The following GLRA2 variants were observed in gnomAD, a reference collection of about 807,000 sequenced individuals.
GLRA2 encodes glycine receptor subunit alpha-2.
GLRA2 carries 11 observed loss-of-function variants against 31.6 expected under a neutral mutation model. The observed-to-expected ratio is 0.35, with a 90% CI of 0.22 to 0.58. The LOEUF (loss-of-function observed/expected upper bound fraction) is 0.58. GLRA2 is among the 20% of genes least tolerant of loss of function. The pLI is 0.84. For synonymous variants in GLRA2, 132 were observed against 134.0 expected (o/e 0.99, Z 0.10); for missense variants, 212 against 351.8 (o/e 0.60, Z 3.18).
At chrX:14,465,907 A>G in the GLRA2 span, among the ~76,000 whole-genome samples, 2 of 112,130 alleles carry the variant, frequency 1.8e-5, no homozygotes, top group African/African-American at 6.5e-5. Flanking sequence ...TTAACTTATT[A>G]TAATTGTGTT....
intron 2 of GLRA2, among the ~76,000 whole-genome samples, chrX:14,536,992 C>T (rs755788899): frequency 9.0e-6 from 1 of 110,908 alleles, no homozygotes; most frequent in South Asian, 3.8e-4. Context: ...AGCCCAATTC[C>T]AAGACAGTTG....
intron 7 of GLRA2, among the ~76,000 whole-genome samples, chrX:14,678,500 G>C (rs906814221): frequency 9.0e-6 from 1 of 111,230 alleles, no homozygotes; most frequent in African/African-American, 3.3e-5. Flanking sequence ...TTGCTTTACA[G>C]AGAGAAATGT....
At chrX:14,708,791 C>T (rs1406603735) in intron 8 of GLRA2, among the ~76,000 whole-genome samples, 5 of 111,432 alleles carry the variant, frequency 4.5e-5, no homozygotes, top group African/African-American at 6.5e-5. Context: ...ACAAAATTAG[C>T]CGGGCACGGT....
chrX:14,712,753 A>G (rs1329863316), intron 8 of GLRA2, among the ~76,000 whole-genome samples: 1 of 111,217 alleles, frequency 9.0e-6, no homozygotes, highest in Non-Finnish European at 1.9e-5. Context: ...GTAGAAAACC[A>G]AGTGTTCACA....
intron 8 of GLRA2, among the ~76,000 whole-genome samples, chrX:14,715,250 C>T (rs1240211797): frequency 8.9e-6 from 1 of 112,271 alleles, no homozygotes; most frequent in Non-Finnish European, 1.9e-5. Context: ...TAGAAAACCT[C>T]AGTTATTGAG....
At chrX:14,619,212 G>A (rs2090487670) in intron 7 of GLRA2, among the ~76,000 whole-genome samples, 1 of 110,211 alleles carries the variant, frequency 9.1e-6, no homozygotes, top group Admixed American at 9.7e-5. Flanking sequence ...ATTCCATTTT[G>A]CCTTCTATAT....
At chrX:14,575,577 T>G (rs1421867293) in intron 3 of GLRA2, among the ~76,000 whole-genome samples, 1 of 110,223 alleles carries the variant, frequency 9.1e-6, no homozygotes, top group Non-Finnish European at 1.9e-5. Flanking sequence ...TATTCCTGCC[T>G]CAGCCTCCCA....
chrX:14,453,324 G>A, the GLRA2 span, among the ~76,000 whole-genome samples: 1 of 111,167 alleles, frequency 9.0e-6, no homozygotes, highest in African/African-American at 3.3e-5. Flanking sequence ...AAGGGGTGGA[G>A]GGTAGGGGAT....
intron 7 of GLRA2, among the ~76,000 whole-genome samples, chrX:14,623,287 A>G (rs1330960375): frequency 2.7e-5 from 3 of 111,603 alleles, no homozygotes; most frequent in Admixed American, 9.5e-5. Context: ...CAATCATGTC[A>G]TCTGCAAACA....
intron 2 of GLRA2, among the ~76,000 whole-genome samples, chrX:14,533,798 T>C (rs1194651224): frequency 9.0e-6 from 1 of 110,977 alleles, no homozygotes. Flanking sequence ...AGATGTTACA[T>C]GAATACTTTT....
chrX:14,488,916 C>G, the GLRA2 span, among the ~76,000 whole-genome samples: 81 of 111,606 alleles, frequency 7.3e-4, 2 homozygotes, highest in Middle Eastern at 0.028. Context: ...CTTTATTATT[C>G]ATTCATTTTT....
At chrX:14,628,041 C>G (rs1485120721) in intron 7 of GLRA2, among the ~76,000 whole-genome samples, 1 of 110,773 alleles carries the variant, frequency 9.0e-6, no homozygotes, top group East Asian at 2.9e-4. Context: ...ATAGACACAG[C>G]AGTCCAGACT....
At chrX:14,495,325 C>A in the GLRA2 span, among the ~76,000 whole-genome samples, 2 of 110,971 alleles carry the variant, frequency 1.8e-5, no homozygotes, top group Non-Finnish European at 3.8e-5. Flanking sequence ...CTAAACATCG[C>A]AGAAAACTAT....
rs371458676 is a variant in GLRA2, at chrX:14,581,449, C to T, written c.494+43C>T. 278 of 762,676 alleles carry T rather than the reference C, an allele frequency of 3.6e-4. 1 individual carries two copies. The highest frequency in any genetic ancestry group is 2.8e-4 in the South Asian group (13 of 46,570). The allele number at this position is 762,676 out of a possible 1,213,427, so 62.9% of individuals were successfully genotyped here. Reference sequence around the variant, plus strand: ...GCACATGTTCGCATCTCCATTTCTCCACTAATGTAGAGCTGCCTGATTCTG... The same window carrying T: ...GCACATGTTCGCATCTCCATTTCTCTACTAATGTAGAGCTGCCTGATTCTG... On this transcript the variant is annotated intron_variant, in intron 4 of 8. Transcript: ENST00000218075.
At chrX:14,500,463 C>T in the GLRA2 span, among the ~76,000 whole-genome samples, 1 of 112,531 alleles carries the variant, frequency 8.9e-6, no homozygotes, top group Non-Finnish European at 1.9e-5. Flanking sequence ...TAAACAGCCA[C>T]TTTGGATGGT....
chrX:14,695,184 G>A (rs1223227892), intron 8 of GLRA2, among the ~76,000 whole-genome samples: 1 of 111,028 alleles, frequency 9.0e-6, no homozygotes, highest in Admixed American at 9.6e-5. Flanking sequence ...TGAGAATGGA[G>A]CATTCCATCA....
chrX:14,461,512 C>T, the GLRA2 span, among the ~76,000 whole-genome samples: 14 of 111,807 alleles, frequency 1.3e-4, no homozygotes, highest in Non-Finnish European at 2.4e-4. Context: ...TAAGAACTTG[C>T]TTTATGAAGC....
At chrX:14,643,929 T>C (rs1250222430) in intron 7 of GLRA2, among the ~76,000 whole-genome samples, 3 of 111,997 alleles carry the variant, frequency 2.7e-5, no homozygotes, top group African/African-American at 6.5e-5. Context: ...GAAACTATAA[T>C]ATATGGATCC....
At chrX:14,520,549 T>C in the GLRA2 span, among the ~76,000 whole-genome samples, 2 of 112,446 alleles carry the variant, frequency 1.8e-5, no homozygotes, top group South Asian at 7.4e-4. Flanking sequence ...CCTGTGAACA[T>C]TGAACACTAA....
Sources: allele counts gnomAD v4.1 joint callset (sites outside exome capture counted in the v4.1 genomes callset), GRCh38; gene constraint gnomAD v4.1.1; transcripts MANE v1.5; gene names NCBI Gene and HGNC (gene_info 2026-07-23, HGNC 2026-07-21).